Variants in ZNF215 observed in about 807,000 individuals in gnomAD.
The protein encoded by ZNF215 is zinc finger protein 215.
In ZNF215, 24 loss-of-function variants were observed where a neutral mutation model predicts 27.2. The ratio of observed to expected loss-of-function variants is 0.88; its 90% CI spans 0.64 to 1.24. The LOEUF (loss-of-function observed/expected upper bound fraction) is 1.24. ZNF215 is among the 50% of genes most tolerant of loss of function. The pLI, the probability that ZNF215 is intolerant of heterozygous loss-of-function variation, is 0.00. For missense variants in ZNF215, 675 were observed against 605.7 expected (o/e 1.11, Z -1.20); for synonymous variants, 210 against 204.0 (o/e 1.03, Z -0.25).
intron 5 of ZNF215, among the ~76,000 whole-genome samples, chr11:6,972,651 C>T (rs1451527078): frequency 6.6e-6 from 1 of 152,000 alleles, no homozygotes; most frequent in East Asian, 1.9e-4. Context: ...AATACCAAAA[C>T]TCTTATATAA....
chr11:6,943,299 G>A (rs1849694029), intron 5 of ZNF215, 84 bp downstream of exon 5: 1 of 1,523,806 alleles, frequency 6.6e-7, no homozygotes, highest in Non-Finnish European at 8.8e-7. Context: ...AAGTGGCTAA[G>A]TTCACTTTTG....
At position 6,933,274 on chromosome 11, in the gene ZNF215, C is replaced by T. The variant is rs140573460; in HGVS notation, c.400+602C>T. Among the ~76,000 whole-genome samples the T allele has an allele frequency of 7.9e-5, 12 of 152,302 alleles. No individual in the cohort carries two copies. The East Asian group carries it at 2.3e-3, about 29-fold the overall frequency. Reference sequence around the variant, plus strand: ...TAGGATACCTTTTGACATAAATTCACATGTACTGGCCTGCATGAGTGGAAT... The same window carrying T: ...TAGGATACCTTTTGACATAAATTCATATGTACTGGCCTGCATGAGTGGAAT... On this transcript the variant is annotated intron_variant, in intron 3 of 6. Transcript: ENST00000278319.
Position 6,955,696 on chromosome 11 carries a change from A to G in ZNF215, c.719A>G (p.Lys240Arg), listed in dbSNP as rs747968463. 17 of 1,550,338 alleles carry G rather than the reference A, an allele frequency of 1.1e-5. No individual in the cohort carries two copies. Among genetic ancestry groups the G allele is most frequent in the Admixed American group, 6.5e-5 (3 of 45,812 alleles). Residue 240 changes from lysine to arginine, a missense_variant, in exon 7 of 7, where the codon AAG (lysine) becomes AGG (arginine). Lys to Arg is a conservative substitution (Grantham distance 26, BLOSUM62 2). Transcript: ENST00000278319. ...EIPRKTIFDMKSISGEESSHG... is the reference protein window; with the variant it reads ...EIPRKTIFDMRSISGEESSHG... ...ATTTTTTATTTCTCTTTAGACATGA[A>G]GAGTATTTCTGGAGAAGAATCATCC...
chr11:6,928,818 C>G (rs1329055249), intron 2 of ZNF215, among the ~76,000 whole-genome samples: 2 of 151,544 alleles, frequency 1.3e-5, no homozygotes, highest in East Asian at 2.0e-4. Flanking sequence ...CAGGACTATT[C>G]CACCAGTCAT....
intron 3 of ZNF215, 91 bp from the exon 4 acceptor site, chr11:6,941,480 C>A: frequency 9.0e-7 from 1 of 1,111,000 alleles, no homozygotes; most frequent in Non-Finnish European, 1.3e-6. Flanking sequence ...ATGGATAATT[C>A]CTGTGAATAT....
intron 3 of ZNF215, among the ~76,000 whole-genome samples, chr11:6,935,367 A>G (rs1000692954): frequency 6.6e-6 from 1 of 152,252 alleles, no homozygotes; most frequent in Non-Finnish European, 1.5e-5. Context: ...ATGCATCTGC[A>G]GAGACCAGTT....
intron 6 of ZNF215, among the ~76,000 whole-genome samples, chr11:6,950,507 G>T (rs1850011356): frequency 6.6e-6 from 1 of 152,044 alleles, no homozygotes; most frequent in South Asian, 2.1e-4. Context: ...GTGAATGGGA[G>T]TTCACTCATG....
intron 6 of ZNF215, among the ~76,000 whole-genome samples, chr11:6,945,268 T>C (rs1388534): frequency 0.9 from 136,597 of 152,116 alleles, 61,873 homozygotes; most frequent in Non-Finnish European, 0.96. Context: ...ACCTCATTTG[T>C]CCCTACCTTT....
chr11:6,947,424 G>A (rs1434908762), intron 6 of ZNF215, among the ~76,000 whole-genome samples: 3 of 152,078 alleles, frequency 2.0e-5, no homozygotes, highest in African/African-American at 4.8e-5. Context: ...GCATGGTGGT[G>A]CATACCTGTA....
intron 5 of ZNF215, among the ~76,000 whole-genome samples, chr11:6,967,194 T>C (rs1366066097): frequency 6.6e-6 from 1 of 152,240 alleles, no homozygotes; most frequent in Admixed American, 6.5e-5. Context: ...CCACATTTTC[T>C]TTATCCAGTC....
downstream of ZNF215, among the ~76,000 whole-genome samples, chr11:6,989,956 A>G (rs114657163): frequency 6.6e-6 from 1 of 152,176 alleles, no homozygotes; most frequent in African/African-American, 2.4e-5. Flanking sequence ...ATAACCCAGG[A>G]TCAAATCAAA....
At chr11:6,969,566 A>T (rs1189280861) in intron 5 of ZNF215, among the ~76,000 whole-genome samples, 2 of 143,786 alleles carry the variant, frequency 1.4e-5, no homozygotes, top group African/African-American at 5.1e-5. Flanking sequence ...ACATAATTGC[A>T]TCAGTAAAGT....
intron 2 of ZNF215, among the ~76,000 whole-genome samples, chr11:6,929,720 G>A (rs1849183963): frequency 6.6e-6 from 1 of 152,054 alleles, no homozygotes; most frequent in Non-Finnish European, 1.5e-5. Flanking sequence ...TGTTAATCTT[G>A]ATCACCTGGC....
intron 6 of ZNF215, among the ~76,000 whole-genome samples, chr11:6,947,168 T>C (rs951015976): frequency 6.6e-6 from 1 of 152,206 alleles, no homozygotes. Flanking sequence ...TTTCTGATTA[T>C]ATTCTACTTT....
At chr11:6,960,443 A>T (rs1424708290), downstream of ZNF215, among the ~76,000 whole-genome samples, 4 of 152,192 alleles carry the variant, frequency 2.6e-5, no homozygotes, top group Non-Finnish European at 5.9e-5. Flanking sequence ...AAGGAGCTCC[A>T]TAACTCAGCC....
intron 5 of ZNF215, among the ~76,000 whole-genome samples, chr11:6,967,389 C>T (rs1005293042): frequency 2.6e-5 from 4 of 152,202 alleles, no homozygotes; most frequent in Admixed American, 6.5e-5. Flanking sequence ...ACACTGTCTT[C>T]CACAATGGTT....
intron 5 of ZNF215, among the ~76,000 whole-genome samples, chr11:6,974,039 A>C (rs1476679601): frequency 6.6e-6 from 1 of 152,168 alleles, no homozygotes; most frequent in Non-Finnish European, 1.5e-5. Flanking sequence ...TCTAATATTT[A>C]AGTCTTTAAT....
intron 5 of ZNF215, 47 bp downstream of exon 5, chr11:6,943,262 CT>C: frequency 6.4e-7 from 1 of 1,573,120 alleles, no homozygotes; most frequent in African/African-American, 1.4e-5. Context: ...TAATCTCTTC[CT>C]ACCGTTAAAA....
At chr11:6,974,325 G>C (rs914251822) in intron 5 of ZNF215, among the ~76,000 whole-genome samples, 3 of 152,118 alleles carry the variant, frequency 2.0e-5, no homozygotes, top group African/African-American at 7.2e-5. Context: ...AAGTCAGGTA[G>C]CGTGATGCCT....
Sources: gnomAD v4.1 joint callset for allele counts (sites outside exome capture counted in the v4.1 genomes callset) on GRCh38, gnomAD v4.1.1 for gene constraint, MANE v1.5 for transcripts, NCBI Gene and HGNC (gene_info 2026-07-23, HGNC 2026-07-21) for gene names.